NTRK1: variants seen among roughly 807,000 people sequenced by gnomAD.
The protein encoded by NTRK1 is high affinity nerve growth factor receptor.
A neutral mutation model predicts 86.8 loss-of-function variants in NTRK1; 62 were observed. That is an observed-to-expected ratio of 0.71 (90% CI 0.58 to 0.88). NTRK1 has a LOEUF of 0.88. Ranked by LOEUF, NTRK1 falls within the 40% of genes least tolerant of loss-of-function variation. The pLI is 0.00. For synonymous variants in NTRK1, 469 were observed against 456.6 expected (o/e 1.03, Z -0.35); for missense variants, 967 against 1,078.4 (o/e 0.90, Z 1.45).
rs781716277 is a variant in NTRK1, at chr1:156,854,566, G to A, written c.51-9788G>A. ...CCATCTCCCCTTCTTGGTTAATAGCGACTTCATTCTTGCAGTCAGGCTCCC... is the reference window on the plus strand; with the variant it reads ...CCATCTCCCCTTCTTGGTTAATAGCAACTTCATTCTTGCAGTCAGGCTCCC... On this transcript the variant is annotated intron_variant, in intron 2 of 16. Transcript: ENST00000392302. This position sits in a 1 kb window ranked among gnomAD's most constrained non-coding sequence, Gnocchi z 4.2. 4.6e-5 allele frequency among the ~76,000 whole-genome samples: 7 copies of A among 151,984 alleles called. No individual in the cohort carries two copies. The highest frequency in any genetic ancestry group is 1.0e-4 in the Non-Finnish European group (7 of 67,984).
chr1:156,832,439 A>G (rs750632282), intron 1 of NTRK1, among the ~76,000 whole-genome samples: 2 of 152,170 alleles, frequency 1.3e-5, no homozygotes, highest in Middle Eastern at 3.2e-3. Context: ...CTAGGATGAG[A>G]TTGCAAGGGG....
intron 2 of NTRK1, chr1:156,842,873 C>A: frequency 1.4e-6 from 1 of 727,302 alleles, no homozygotes. Context: ...ACCTTTACCC[C>A]AATTAGGATC....
In NTRK1 at chr1:156,876,227, G is replaced by A. The variant is rs1159512278; in HGVS notation, c.1632+17G>A. ...GCTGTCAAGGTGAGACCCTGCCCCG[G>A]GGGGTACTGCTGGCCTGGGTCCCAC... On this transcript the variant is annotated intron_variant, in intron 13 of 16. Coordinates refer to ENST00000524377, the MANE Select transcript of NTRK1 (RefSeq NM_002529.4). 1 of 1,613,678 alleles carries A rather than the reference G, an allele frequency of 6.2e-7. No homozygotes were observed. Among genetic ancestry groups the A allele is most frequent in the Non-Finnish European group, 8.5e-7 (1 of 1,180,006 alleles).
intron 3 of NTRK1, among the ~76,000 whole-genome samples, chr1:156,865,425 G>T (rs926356493): frequency 2.6e-5 from 4 of 152,152 alleles, no homozygotes; most frequent in Non-Finnish European, 4.4e-5. Context: ...CCTCACGTGC[G>T]CAGTAGTTCA....
chr1:156,829,520 G>A (rs1654408517), intron 1 of NTRK1, among the ~76,000 whole-genome samples: 3 of 152,108 alleles, frequency 2.0e-5, no homozygotes, highest in Admixed American at 2.0e-4. Flanking sequence ...TCAGGATCCT[G>A]CCTTTTTGAC....
chr1:156,840,661 G>A (rs1475136348), intron 1 of NTRK1: 2 of 595,348 alleles, frequency 3.4e-6, no homozygotes, highest in Non-Finnish European at 6.0e-6. Flanking sequence ...GACCCTGCTT[G>A]CTCTCCCCCG....
At chr1:156,816,278 G>A (rs562082768) in intron 1 of NTRK1, 25 of 520,274 alleles carry the variant, frequency 4.8e-5, no homozygotes, top group South Asian at 2.5e-4. Context: ...GCGGCATGGG[G>A]GGCTAATGCT....
intron 1 of NTRK1, among the ~76,000 whole-genome samples, chr1:156,826,273 G>T (rs1392495747): frequency 7.0e-6 from 1 of 142,442 alleles, no homozygotes; most frequent in Non-Finnish European, 1.5e-5. Context: ...TTGCTACGTT[G>T]TCCAGGCTAG....
At chr1:156,858,839 G>C, upstream of NTRK1, 1 of 586,066 alleles carries the variant, frequency 1.7e-6, no homozygotes, top group South Asian at 2.0e-5. Flanking sequence ...GTTGGAGACA[G>C]AGAGACTCAG....
Position 156,845,803 on chromosome 1 carries a change from G to A in NTRK1, c.50+3610G>A, listed in dbSNP as rs765502789. 3.1e-6 allele frequency: 5 copies of A among 1,612,010 alleles called. No homozygotes were observed. The East Asian group carries it at 6.7e-5, about 22-fold the overall frequency. On this transcript the variant is annotated intron_variant, in intron 2 of 16. Coordinates refer to the NTRK1 transcript ENST00000392302. ...AAGCGCGGATCGTTGTTGCTGGTGG[G>A]CAGCCGCAAGCCTGGCGCCGCAGCG...
chr1:156,864,391 C>T lies in NTRK1; in HGVS notation c.250C>T (p.Leu84Phe). ...ENQQHLQHLE[L>F]RDLRGLGELR... ...CCAGCAGCATCTGCAGCATCTGGAG[C>T]TCCGTGATCTGAGGGGCCTGGGGGA... The change falls in exon 2 of 17, where the codon CTC becomes TTC. Residue 84 changes from leucine (L) to phenylalanine (F), a missense_variant. Physicochemically the swap from Leu to Phe is conservative, Grantham distance 22 (BLOSUM62 0). Around this residue, in one of 2 missense-constraint regions of NTRK1, gnomAD observed 330 missense variants for 302.0 expected, o/e 1.09. Coordinates refer to ENST00000524377, the MANE Select transcript of NTRK1 (RefSeq NM_002529.4). 1 of 1,614,130 alleles carries T rather than the reference C, an allele frequency of 6.2e-7. No individual in the cohort carries two copies. Among genetic ancestry groups the T allele is most frequent in the Non-Finnish European group, 8.5e-7 (1 of 1,180,020 alleles).
chr1:156,817,254 G>A (rs1272816838), intron 1 of NTRK1, among the ~76,000 whole-genome samples: 1 of 151,902 alleles, frequency 6.6e-6, no homozygotes, highest in Non-Finnish European at 1.5e-5. Context: ...GGAAGGATGT[G>A]GGTCAGACTT....
At chr1:156,820,631 C>G (rs1174395378) in intron 1 of NTRK1, among the ~76,000 whole-genome samples, 1 of 152,214 alleles carries the variant, frequency 6.6e-6, no homozygotes, top group East Asian at 1.9e-4. Flanking sequence ...CTATTCTGTT[C>G]CATTGGTCTA....
At chr1:156,840,932 G>C (rs778328398) in intron 1 of NTRK1, 5 of 1,614,112 alleles carry the variant, frequency 3.1e-6, no homozygotes, top group Non-Finnish European at 4.2e-6. Context: ...GAGGAGTCAG[G>C]CTCTGCATCG....
At chr1:156,866,876 A>G in intron 3 of NTRK1, 34 bp from the exon 4 acceptor site, 14 of 1,611,300 alleles carry the variant, frequency 8.7e-6, no homozygotes, top group Non-Finnish European at 1.0e-5. Context: ...GGGTCACTCA[A>G]GGGGTCTGTC....
At chr1:156,871,957 G>A (rs914636644) in intron 7 of NTRK1, among the ~76,000 whole-genome samples, 4 of 152,172 alleles carry the variant, frequency 2.6e-5, no homozygotes, top group Non-Finnish European at 4.4e-5. Flanking sequence ...GGATGGAGAT[G>A]GATTTCTTTC....
intron 15 of NTRK1, 116 bp from the exon 16 acceptor site, chr1:156,879,883 C>G (rs939499040): frequency 7.5e-7 from 1 of 1,335,620 alleles, no homozygotes; most frequent in African/African-American, 1.4e-5. Flanking sequence ...GCTGGGATTA[C>G]AGGCGTGAAC....
chr1:156,878,021 G>A (rs1648023544), intron 14 of NTRK1, among the ~76,000 whole-genome samples: 1 of 152,232 alleles, frequency 6.6e-6, no homozygotes, highest in East Asian at 1.9e-4. Flanking sequence ...TGGGGACACA[G>A]GCTAGGGAGA....
In NTRK1 at chr1:156,833,773, G is replaced by T. The variant is rs76106545; in HGVS notation, c.-63-8308G>T. ...TCCTTTGCCCGTTCTGTTAGGTTCT[G>T]CCAGTAGCAGGTGCTGCAGGGAGAC... On this transcript the variant is annotated intron_variant, in intron 1 of 16. Transcript: ENST00000392302. 1.5e-3 allele frequency among the ~76,000 whole-genome samples: 228 copies of T among 152,262 alleles called. 7 individuals are homozygous for T. The East Asian group carries it at 0.037, about 25-fold the overall frequency.
Sources: allele counts gnomAD v4.1 joint callset (sites outside exome capture counted in the v4.1 genomes callset), GRCh38; gene constraint gnomAD v4.1.1; regional missense constraint gnomAD v4.1.1; non-coding constraint Gnocchi (gnomAD v3.1); transcripts MANE v1.5; gene names NCBI Gene and HGNC (gene_info 2026-07-23, HGNC 2026-07-21).